The following AQP9 variants were observed in gnomAD, a reference collection of about 807,000 sequenced individuals.
AQP9 encodes aquaporin 9, also known as aquaporin-9.
AQP9 carries 19 observed loss-of-function variants against 23.8 expected under a neutral mutation model. The ratio of observed to expected loss-of-function variants is 0.80; its 90% CI spans 0.56 to 1.17. The LOEUF is 1.17. Ranked by LOEUF, AQP9 falls within the 50% of genes most tolerant of loss-of-function variation. The pLI, the probability that AQP9 is intolerant of heterozygous loss-of-function variation, is 0.00. For synonymous variants in AQP9, 153 were observed against 131.5 expected, an observed-to-expected ratio of 1.16 and a Z score of -1.12; for missense variants, 413 against 362.0, an observed-to-expected ratio of 1.14 and a Z score of -1.14.
chr15:58,180,886 C>T (rs1470647191), intron 5 of AQP9, among the ~76,000 whole-genome samples: 6 of 152,170 alleles, frequency 3.9e-5, no homozygotes, highest in Non-Finnish European at 7.4e-5. Flanking sequence ...AACTAGAACA[C>T]GAAAATGTCC....
chr15:58,150,830 C>G (rs879328326), intron 1 of AQP9: 14 of 152,166 alleles, frequency 9.2e-5, no homozygotes, highest in Non-Finnish European at 1.9e-4. Flanking sequence ...AGAAATTGCT[C>G]TACTACTGCC....
At chr15:58,166,034 G>T (rs1170680959) in intron 1 of AQP9, among the ~76,000 whole-genome samples, 1 of 152,174 alleles carries the variant, frequency 6.6e-6, no homozygotes, top group Non-Finnish European at 1.5e-5. Flanking sequence ...CTAATGCATG[G>T]TACAAATGGC....
intron 1 of AQP9, among the ~76,000 whole-genome samples, chr15:58,158,041 T>C (rs1385663315): frequency 6.6e-6 from 1 of 152,196 alleles, no homozygotes; most frequent in African/African-American, 2.4e-5. Context: ...AATAGCTTCA[T>C]CCTCAGCCCT....
chr15:58,145,401 G>T (rs1374331483), intron 1 of AQP9, among the ~76,000 whole-genome samples: 1 of 151,744 alleles, frequency 6.6e-6, no homozygotes, highest in African/African-American at 2.4e-5. Flanking sequence ...TACTCAGGAG[G>T]CTGAGGCAGG....
intron 4 of AQP9, among the ~76,000 whole-genome samples, chr15:58,176,652 C>T (rs1898762491): frequency 6.6e-6 from 1 of 150,514 alleles, no homozygotes; most frequent in African/African-American, 2.4e-5. Context: ...GCCTGTTGCC[C>T]CAGGCTGGAG....
chr15:58,138,960 G>T, intron 1 of AQP9: 1 of 290,970 alleles, frequency 3.4e-6, no homozygotes, highest in South Asian at 4.3e-5. Context: ...ACTCTAAAAT[G>T]GCTTTGTGAT....
chr15:58,172,917 T>C, intron 2 of AQP9, 151 bp from the exon 3 acceptor site: 1 of 885,432 alleles, frequency 1.1e-6, no homozygotes, highest in Non-Finnish European at 1.7e-6. Flanking sequence ...AGATACACAC[T>C]CTCTCTTTCA....
intron 2 of AQP9, among the ~76,000 whole-genome samples, chr15:58,167,208 G>C (rs1427338332): frequency 6.6e-6 from 1 of 152,196 alleles, no homozygotes; most frequent in African/African-American, 2.4e-5. Flanking sequence ...AAGAGTCTGG[G>C]TCTCTTGCAA....
intron 1 of AQP9, among the ~76,000 whole-genome samples, chr15:58,159,842 C>A (rs1052644850): frequency 1.3e-5 from 2 of 152,124 alleles, no homozygotes; most frequent in Non-Finnish European, 2.9e-5. Context: ...GGATTTCATT[C>A]TTCTTTATGG....
intron 1 of AQP9, chr15:58,152,835 G>C (rs960117571): frequency 6.6e-5 from 10 of 152,066 alleles, no homozygotes; most frequent in African/African-American, 2.4e-4. Flanking sequence ...CTCCCACTAA[G>C]CTTCAAACTA....
chr15:58,181,186 G>A (rs1224425035), intron 5 of AQP9, among the ~76,000 whole-genome samples: 15 of 152,134 alleles, frequency 9.9e-5, no homozygotes, highest in Non-Finnish European at 2.9e-5. Flanking sequence ...GGAAAATGTT[G>A]GAATCACCTA....
intron 2 of AQP9, among the ~76,000 whole-genome samples, chr15:58,167,581 A>G (rs1405114689): frequency 2.6e-5 from 4 of 152,202 alleles, no homozygotes; most frequent in African/African-American, 9.6e-5. Context: ...TCCATTCTAC[A>G]AAGAAATCCC....
chr15:58,181,537 G>C (rs1026927200), intron 5 of AQP9, among the ~76,000 whole-genome samples: 15 of 152,184 alleles, frequency 9.9e-5, no homozygotes, highest in Non-Finnish European at 2.2e-4. Context: ...CTCAGGCAGA[G>C]AGAACCGTTA....
intron 1 of AQP9, among the ~76,000 whole-genome samples, chr15:58,165,808 T>C (rs1898488415): frequency 6.6e-6 from 1 of 152,204 alleles, no homozygotes; most frequent in African/African-American, 2.4e-5. Flanking sequence ...CTCACTATCA[T>C]ACTTCACTGT....
intron 1 of AQP9, chr15:58,151,598 A>G (rs1354376882): frequency 6.6e-6 from 1 of 151,990 alleles, no homozygotes; most frequent in Non-Finnish European, 1.5e-5. Context: ...AAAACTCTGT[A>G]ATAGTTCTCT....
chr15:58,185,792 A>C lies in AQP9; in HGVS notation c.*1657A>C, dbSNP rs957885343. On this transcript the variant is annotated 3_prime_UTR_variant, in exon 6 of 6. Coordinates refer to ENST00000219919, the MANE Select transcript of AQP9 (RefSeq NM_020980.5). ...GCTGATATCAGAACAGCAGAAATTA[A>C]ATGTGAAATGTTTCTGATGACTTAT... The C allele has an allele frequency of 4.6e-5, 7 of 152,320 alleles. No homozygotes were observed. The highest frequency in any genetic ancestry group is 1.2e-4 in the African/African-American group (5 of 41,578). 9.4% of individuals were successfully genotyped at this position (152,320 alleles called of 1,614,324 possible).
intron 1 of AQP9, among the ~76,000 whole-genome samples, chr15:58,165,401 A>G (rs1323421355): frequency 2.6e-5 from 4 of 152,220 alleles, no homozygotes; most frequent in African/African-American, 7.2e-5. Context: ...GGGTTTTAAA[A>G]AAGAGAGGAT....
chr15:58,156,556 G>C (rs1391695860), intron 1 of AQP9, among the ~76,000 whole-genome samples: 1 of 152,136 alleles, frequency 6.6e-6, no homozygotes, highest in African/African-American at 2.4e-5. Flanking sequence ...GAAACTCCTT[G>C]TCAACATGGA....
At chr15:58,153,372 C>T (rs1056402614) in intron 1 of AQP9, 5 of 152,148 alleles carry the variant, frequency 3.3e-5, no homozygotes, top group African/African-American at 1.2e-4. Context: ...AGTTTTTCTA[C>T]TTATCTGCTT....
Sources: allele counts gnomAD v4.1 joint callset (sites outside exome capture counted in the v4.1 genomes callset), GRCh38; gene constraint gnomAD v4.1.1; transcripts MANE v1.5; gene names NCBI Gene and HGNC (gene_info 2026-07-23, HGNC 2026-07-21).